MTG1: variants seen among roughly 807,000 people sequenced by gnomAD.
MTG1 encodes mitochondrial ribosome-associated GTPase 1.
In MTG1, 30 loss-of-function variants were observed where a neutral mutation model predicts 39.5. That is an observed-to-expected ratio of 0.76 (90% confidence interval 0.57 to 1.03). The LOEUF (loss-of-function observed/expected upper bound fraction) is 1.03. Among genes scored for constraint, MTG1 ranks in the 50% least tolerant of loss-of-function variants. The pLI, the probability that MTG1 is intolerant of heterozygous loss-of-function variation, is 0.00. For missense variants in MTG1, 513 were observed against 447.4 expected (o/e 1.15, Z -1.32); for synonymous variants, 217 against 179.0 (o/e 1.21, Z -1.69).
chr10:133,415,620 C>T (rs1379554795), intron 9 of MTG1, among the ~76,000 whole-genome samples: 1 of 152,230 alleles, frequency 6.6e-6, no homozygotes, highest in Non-Finnish European at 1.5e-5. Context: ...GTTTGTTCCT[C>T]TGCTGCTTCC....
chr10:133,394,236 C>T lies in MTG1; in HGVS notation c.16C>T (p.Arg6Cys), dbSNP rs370553422. MRLTP[R>C]ALCSAAQAAW... The stretch of plus-strand genomic sequence containing the variant: ...CGGTGCCGCCATGAGATTGACCCCG[C>T]GCGCGCTGTGCAGCGCCGCCCAGGC... Residue 6 changes from arginine (R) to cysteine (C), a missense_variant, in exon 1 of 11, where the codon CGC (arginine) becomes TGC (cysteine). Transcript: ENST00000317502. The T allele has an allele frequency of 7.3e-6, 11 of 1,516,548 alleles. No homozygotes were observed. The highest frequency in any genetic ancestry group is 5.4e-5 in the East Asian group (2 of 37,230). 93.9% of individuals were successfully genotyped at this position (1,516,548 alleles called of 1,614,324 possible).
In MTG1 at chr10:133,402,585, C is replaced by T; in HGVS notation, c.671-107C>T. On this transcript the variant is annotated intron_variant, in intron 8 of 10. Transcript: ENST00000317502. This position sits in a 1 kb window ranked among gnomAD's most constrained non-coding sequence, Gnocchi z 4.7. The stretch of plus-strand genomic sequence containing the variant: ...GTCTTTGTCAGTGGCTGGCCTCTTC[C>T]TCACGGCACGGTGTCTTTGGGCTAG... The T allele has an allele frequency of 9.5e-7, 1 of 1,054,368 alleles. No individual in the cohort carries two copies. The highest frequency in any genetic ancestry group is 1.5e-5 in the South Asian group (1 of 66,048). 65.3% of individuals were successfully genotyped at this position (1,054,368 alleles called of 1,614,324 possible).
At chr10:133,403,007 C>T (rs74162004) in intron 9 of MTG1, among the ~76,000 whole-genome samples, 10,717 of 146,672 alleles carry the variant, frequency 0.073, 144 homozygotes, top group Middle Eastern at 0.1. Context: ...GCTCCTCTTT[C>T]GTGAAATCAA....
rs914078355 is a variant in MTG1 at position 133,402,282 on chromosome 10, C to T, written c.670+37C>T. The T allele has an allele frequency of 2.6e-5, 42 of 1,611,064 alleles. No homozygotes were observed. The highest frequency in any genetic ancestry group is 9.4e-5 in the African/African-American group (7 of 74,864). ...CTGGGGCTGGGGCTGGGGCTGGGAC[C>T]GGGGCCCCTGCCACCCCACCTTTAG... On this transcript the variant is annotated intron_variant, in intron 8 of 10. Transcript: ENST00000317502. The surrounding 1 kb of genome is among the most constrained non-coding windows in gnomAD (Gnocchi z 4.7).
At chr10:133,401,029 A>G (rs1297027529) in intron 6 of MTG1, among the ~76,000 whole-genome samples, 1 of 152,212 alleles carries the variant, frequency 6.6e-6, no homozygotes, top group African/African-American at 2.4e-5. Context: ...TTGTTTGTCC[A>G]CAGTGGAGTG....
chr10:133,401,321 T>A, intron 6 of MTG1: 1 of 483,580 alleles, frequency 2.1e-6, no homozygotes. Context: ...AAACAAATTA[T>A]AGCCTTGGGA....
rs1308786422 is a variant in MTG1 at position 133,422,334 on chromosome 10, G to C, written c.*2169G>C. ...CTGCCTTCAGGGAAATGCGTGCACC[G>C]TGCAGCCTGTGCTGTGCCCAGGGAG... On this transcript the variant is annotated 3_prime_UTR_variant, in exon 11 of 11. Transcript: ENST00000317502. 6.6e-6 allele frequency: 1 copy of C among 152,376 alleles called. No homozygotes were observed. The allele number at this position is 152,376 out of a possible 1,614,324, so 9.4% of individuals were successfully genotyped here.
rs924238765 is a variant in MTG1, at chr10:133,420,183, G to A, written c.*18G>A. 1 of 1,594,642 alleles carries A rather than the reference G, an allele frequency of 6.3e-7. No individual in the cohort carries two copies. The highest frequency in any genetic ancestry group is 1.3e-5 in the African/African-American group (1 of 74,590). On this transcript the variant is annotated 3_prime_UTR_variant, in exon 11 of 11. Transcript: ENST00000317502. ...TGCCCTGAACTTGTCCGGGTAGGGAGGGCCGGAGGCATGTGGCCTCCCAGA... is the reference window on the plus strand; with the variant it reads ...TGCCCTGAACTTGTCCGGGTAGGGAAGGCCGGAGGCATGTGGCCTCCCAGA...
chr10:133,396,527 C>T (rs1300211926), intron 3 of MTG1, among the ~76,000 whole-genome samples: 1 of 152,158 alleles, frequency 6.6e-6, no homozygotes, highest in African/African-American at 2.4e-5. Context: ...CTGCCAGAGC[C>T]CGAGTGGTCA....
chr10:133,406,428 A>G (rs1434000927), intron 9 of MTG1, among the ~76,000 whole-genome samples: 1 of 152,018 alleles, frequency 6.6e-6, no homozygotes, highest in Non-Finnish European at 1.5e-5. Context: ...AGTAGCTGGG[A>G]TTATAGGCAC....
chr10:133,420,064 GC>G lies in MTG1; in HGVS notation c.907del (p.Arg303ValfsTer15), dbSNP rs747198899. On this transcript the variant is annotated frameshift_variant, in exon 11 of 11. Transcript: ENST00000317502. LOFTEE classifies it low-confidence loss of function (END_TRUNC). ...NIIQPNYPAA[A>X]RDFLQTFRRG... The stretch of plus-strand genomic sequence containing the variant: ...TATTCAGCCTAACTATCCTGCGGCA[GC>G]CCGTGACTTCCTGCAGACTTTCCGC... The G allele has an allele frequency of 8.7e-6, 14 of 1,613,266 alleles. No individual in the cohort carries two copies. Among genetic ancestry groups the G allele is most frequent in the Non-Finnish European group, 1.0e-5 (12 of 1,179,632 alleles).
chr10:133,395,215 G>A (rs965915946), intron 1 of MTG1, among the ~76,000 whole-genome samples: 1 of 152,174 alleles, frequency 6.6e-6, no homozygotes, highest in African/African-American at 2.4e-5. Context: ...CCAGCATGGT[G>A]AAACCGTGTC....
intron 4 of MTG1, 38 bp from the exon 5 acceptor site, chr10:133,399,132 C>G: frequency 6.2e-7 from 1 of 1,613,462 alleles, no homozygotes; most frequent in Non-Finnish European, 8.5e-7. Flanking sequence ...CACAGACGTC[C>G]GACCTGGGGT....
Position 133,394,159 on chromosome 10 carries a change from A to C in MTG1, c.-62A>C, listed in dbSNP as rs912729810. 7.6e-7 allele frequency: 1 copy of C among 1,317,902 alleles called. No individual in the cohort carries two copies. Among genetic ancestry groups the C allele is most frequent in the Non-Finnish European group, 1.0e-6 (1 of 976,004 alleles). 81.6% of individuals were successfully genotyped at this position (1,317,902 alleles called of 1,614,324 possible). ...GAGGCCCGCAGCGCCGGAACCTCAG[A>C]GGCGGGTCGCAGCGGCGCAGAGGAG... On this transcript the variant is annotated 5_prime_UTR_variant, in exon 1 of 11. Transcript: ENST00000317502.
At chr10:133,398,622 C>G in intron 4 of MTG1, 107 bp downstream of exon 4, 1 of 1,317,334 alleles carries the variant, frequency 7.6e-7, no homozygotes, top group South Asian at 1.5e-5. Flanking sequence ...GGAAAAGATC[C>G]TAGGTGTTGG....
Position 133,394,257 on chromosome 10 carries a change from C to G in MTG1, c.37C>G (p.Gln13Glu). 2.0e-6 allele frequency: 3 copies of G among 1,518,002 alleles called. No individual in the cohort carries two copies. The highest frequency in any genetic ancestry group is 2.6e-6 in the Non-Finnish European group (3 of 1,137,536). The allele number at this position is 1,518,002 out of a possible 1,614,324, so 94.0% of individuals were successfully genotyped here. A position where few individuals can be genotyped will look rare whatever the true frequency, so the allele number is the denominator to read the frequency against. The change falls in exon 1 of 11, where the codon CAG becomes GAG. Residue 13 changes from glutamine (Q) to glutamate (E), a missense_variant. Coordinates refer to ENST00000317502, the MANE Select transcript of MTG1 (RefSeq NM_138384.4). ...CCCGCGCGCGCTGTGCAGCGCCGCCCAGGCCGCCTGGCGGGAGAACTTCCC... is the reference window on the plus strand; with the variant it reads ...CCCGCGCGCGCTGTGCAGCGCCGCCGAGGCCGCCTGGCGGGAGAACTTCCC... ...LTPRALCSAA[Q>E]AAWRENFPLC...
At chr10:133,408,322 G>GT (rs1232004670) in intron 9 of MTG1, among the ~76,000 whole-genome samples, 14 of 151,956 alleles carry the variant, frequency 9.2e-5, no homozygotes, top group East Asian at 1.9e-4. Flanking sequence ...TGAAATGATT[G>GT]TTTTTTTTCC....
At chr10:133,418,444 T>C (rs1589920174) in intron 9 of MTG1, among the ~76,000 whole-genome samples, 1 of 152,090 alleles carries the variant, frequency 6.6e-6, no homozygotes, top group South Asian at 2.1e-4. Context: ...CATTGGCAGG[T>C]CTCGGGGGTG....
intron 6 of MTG1, 95 bp downstream of exon 6, chr10:133,399,714 A>G: frequency 7.7e-7 from 1 of 1,292,184 alleles, no homozygotes; most frequent in Non-Finnish European, 1.1e-6. Context: ...GACGTGCCCG[A>G]GGAGCACTGC....
Sources: gnomAD v4.1 joint callset for allele counts (sites outside exome capture counted in the v4.1 genomes callset) on GRCh38, gnomAD v4.1.1 for gene constraint, Gnocchi (gnomAD v3.1) non-coding constraint, MANE v1.5 for transcripts, NCBI Gene and HGNC (gene_info 2026-07-23, HGNC 2026-07-21) for gene names.